Variants in FMN2 observed in about 807,000 individuals in gnomAD.
FMN2 encodes the protein formin-2.
FMN2 carries 51 observed loss-of-function variants against 142.3 expected under a neutral mutation model. The observed-to-expected ratio is 0.36, with a 90% confidence interval of 0.29 to 0.45. The LOEUF is 0.45. Ranked by LOEUF, FMN2 falls within the 20% of genes least tolerant of loss-of-function variation. FMN2 has a pLI of 1.00. For synonymous variants in FMN2, 882 were observed against 869.8 expected (o/e 1.01, Z -0.25); for missense variants, 1,936 against 2,122.8 (o/e 0.91, Z 1.73).
chr1:240,188,759 A>G (rs1665584779), intron 4 of FMN2, among the ~76,000 whole-genome samples: 4 of 152,170 alleles, frequency 2.6e-5, no homozygotes, highest in Admixed American at 2.0e-4. Context: ...ACTGCTGATA[A>G]GGGTGTACCC....
At chr1:240,355,186 T>C (rs1316015654) in intron 13 of FMN2, among the ~76,000 whole-genome samples, 1 of 152,206 alleles carries the variant, frequency 6.6e-6, no homozygotes, top group Non-Finnish European at 1.5e-5. Context: ...TCCTCAGCTA[T>C]AAAAGGAGGT....
chr1:240,198,783 G>T (rs1282960634), intron 4 of FMN2, among the ~76,000 whole-genome samples: 1 of 152,096 alleles, frequency 6.6e-6, no homozygotes, highest in Non-Finnish European at 1.5e-5. Flanking sequence ...GAATGCCATT[G>T]GTTGTTCCAA....
intron 11 of FMN2, among the ~76,000 whole-genome samples, chr1:240,331,156 G>T (rs1323277813): frequency 6.6e-6 from 1 of 151,910 alleles, no homozygotes; most frequent in African/African-American, 2.4e-5. Context: ...AGCAATGAAG[G>T]CCAATAGGTC....
intron 2 of FMN2, among the ~76,000 whole-genome samples, chr1:240,152,031 A>G (rs1046805809): frequency 2.0e-5 from 3 of 152,076 alleles, no homozygotes; most frequent in Non-Finnish European, 4.4e-5. Flanking sequence ...CTGGCCTCCC[A>G]AAGTGCTGGG....
At chr1:240,163,540 CATGTT>C (rs1664365647) in intron 2 of FMN2, among the ~76,000 whole-genome samples, 1 of 152,084 alleles carries the variant, frequency 6.6e-6, no homozygotes, top group Non-Finnish European at 1.5e-5. Flanking sequence ...TTAAAATTTA[CATGTT>C]ATATCTTTTT....
intron 15 of FMN2, among the ~76,000 whole-genome samples, chr1:240,435,032 T>C (rs1042786843): frequency 1.3e-5 from 2 of 152,306 alleles, no homozygotes; most frequent in African/African-American, 2.4e-5. Context: ...TTTCTTTTTA[T>C]TGTGACTCAT....
intron 1 of FMN2, 141 bp downstream of exon 1, chr1:240,093,865 C>T (rs1463916509): frequency 1.9e-6 from 1 of 526,380 alleles, no homozygotes; most frequent in African/African-American, 2.0e-5. Context: ...TCCTTTTCCG[C>T]CCAGCGAGCT....
At chr1:240,467,713 T>G (rs1422597996) in intron 16 of FMN2, among the ~76,000 whole-genome samples, 1 of 152,238 alleles carries the variant, frequency 6.6e-6, no homozygotes, top group Non-Finnish European at 1.5e-5. Flanking sequence ...TTTCTGAGCA[T>G]TGCTAGAAGG....
At chr1:240,124,126 G>A (rs530605903) in intron 2 of FMN2, among the ~76,000 whole-genome samples, 5 of 152,268 alleles carry the variant, frequency 3.3e-5, no homozygotes, top group East Asian at 3.9e-4. Context: ...CTATGAATAT[G>A]GGTTCATAAT....
chr1:240,335,750 T>A (rs1337516304), intron 13 of FMN2, among the ~76,000 whole-genome samples: 1 of 152,152 alleles, frequency 6.6e-6, no homozygotes, highest in Non-Finnish European at 1.5e-5. Flanking sequence ...CTTCTTACTA[T>A]AGGCATTAAA....
At chr1:240,461,346 T>G (rs1676445379) in intron 16 of FMN2, among the ~76,000 whole-genome samples, 1 of 152,084 alleles carries the variant, frequency 6.6e-6, no homozygotes, top group Admixed American at 6.6e-5. Flanking sequence ...ACTGCGAAAT[T>G]TAAAGGAGAT....
chr1:240,438,125 A>G lies in FMN2; in HGVS notation c.4975A>G (p.Asn1659Asp), dbSNP rs889948798. ...PKLGEKEVSP[N>D]AFFSIWHEFS... ...ACTTGGAGAGAAGGAGGTGTCCCCA[A>G]ATGCTTTCTTCAGTATCTGGCATGA... is the stretch of plus-strand genomic sequence containing the variant. Residue 1659 changes from asparagine to aspartate, a missense_variant, in exon 16 of 18, where the codon AAT becomes GAT. Asn to Asp is a conservative substitution (Grantham distance 23). Coordinates refer to ENST00000319653, the MANE Select transcript of FMN2 (RefSeq NM_020066.5). The G allele has an allele frequency of 6.2e-6, 10 of 1,614,176 alleles. No individual in the cohort carries two copies. The highest frequency in any genetic ancestry group is 2.2e-5 in the South Asian group (2 of 91,080).
chr1:240,447,496 C>A (rs751376716), intron 16 of FMN2, among the ~76,000 whole-genome samples: 12 of 152,148 alleles, frequency 7.9e-5, no homozygotes, highest in Admixed American at 2.0e-4. Context: ...GTGAGATATA[C>A]TTCATACTCA....
At chr1:240,112,396 C>T (rs1257822105) in intron 1 of FMN2, among the ~76,000 whole-genome samples, 1 of 151,980 alleles carries the variant, frequency 6.6e-6, no homozygotes, top group African/African-American at 2.4e-5. Context: ...TCCCAAAGTG[C>T]TGGGATTACA....
chr1:240,184,940 C>T (rs1665344013), intron 3 of FMN2, among the ~76,000 whole-genome samples: 1 of 147,532 alleles, frequency 6.8e-6, no homozygotes, highest in South Asian at 2.2e-4. Context: ...TTTCTCCCTC[C>T]TATACCTTCC....
At chr1:240,439,980 G>A (rs1467034065) in intron 16 of FMN2, among the ~76,000 whole-genome samples, 1 of 152,154 alleles carries the variant, frequency 6.6e-6, no homozygotes, top group Admixed American at 6.5e-5. Context: ...AAAGAGTCGT[G>A]TTTCCCCTTG....
chr1:240,316,008 G>C (rs528613933), intron 8 of FMN2, among the ~76,000 whole-genome samples: 1 of 152,266 alleles, frequency 6.6e-6, no homozygotes, highest in East Asian at 1.9e-4. Context: ...AATAAAATGA[G>C]AGAACCAAAC....
chr1:240,367,114 T>G (rs1324148504), intron 14 of FMN2, among the ~76,000 whole-genome samples: 1 of 152,208 alleles, frequency 6.6e-6, no homozygotes, highest in African/African-American at 2.4e-5. Flanking sequence ...TTTTAGTTGT[T>G]TTTGACCCAA....
rs372651574 is a variant in FMN2, at chr1:240,392,474, A to G, written c.4859-37A>G. On this transcript the variant is annotated intron_variant, in intron 14 of 17. Coordinates refer to ENST00000319653, the MANE Select transcript of FMN2 (RefSeq NM_020066.5). ...GCTTGAAATAGTGTAACAACTTATC[A>G]TTTATCTCATGTACTTTTATTTTCT... The G allele has an allele frequency of 3.8e-6, 6 of 1,578,844 alleles. No homozygotes were observed. The East Asian group carries it at 6.7e-5, about 18-fold the overall frequency.
Sources: gnomAD v4.1 joint callset for allele counts (sites outside exome capture counted in the v4.1 genomes callset) on GRCh38, gnomAD v4.1.1 for gene constraint, MANE v1.5 for transcripts, NCBI Gene and HGNC (gene_info 2026-07-23, HGNC 2026-07-21) for gene names.